The following SEMA3D variants were observed in gnomAD, a reference collection of about 807,000 sequenced individuals.
SEMA3D encodes the protein semaphorin 3D, also known as semaphorin-3D.
SEMA3D carries 84 observed loss-of-function variants against 100.1 expected under a neutral mutation model. The observed-to-expected ratio is 0.84, with a 90% CI of 0.70 to 1.01. SEMA3D has a LOEUF of 1.01. Ranked by LOEUF, SEMA3D falls within the 50% of genes least tolerant of loss-of-function variation. The pLI is 0.00. For synonymous variants in SEMA3D, 312 were observed against 320.7 expected (o/e 0.97, Z 0.29); for missense variants, 875 against 934.1 (o/e 0.94, Z 0.82).
At chr7:85,013,698 T>C (rs138956345) in intron 16 of SEMA3D, among the ~76,000 whole-genome samples, 9 of 151,924 alleles carry the variant, frequency 5.9e-5, no homozygotes, top group Non-Finnish European at 1.0e-4. Context: ...TCATCCATTA[T>C]ACACATCTTT....
intron 4 of SEMA3D, among the ~76,000 whole-genome samples, chr7:85,092,744 C>T (rs186610857): frequency 1.3e-3 from 190 of 151,990 alleles, no homozygotes; most frequent in African/African-American, 3.7e-3. Flanking sequence ...ATGTCACACC[C>T]CTAAAACAGT....
At chr7:85,153,141 A>C (rs1790477934) in intron 2 of SEMA3D, among the ~76,000 whole-genome samples, 1 of 152,124 alleles carries the variant, frequency 6.6e-6, no homozygotes, top group Non-Finnish European at 1.5e-5. Context: ...ATACAAAAAG[A>C]CTGCCTTTGG....
chr7:85,012,076 C>T lies in SEMA3D; in HGVS notation c.1768+706G>A, dbSNP rs562372119. 2.0e-4 allele frequency among the ~76,000 whole-genome samples: 30 copies of T among 151,762 alleles called. 1 individual carries two copies. In the South Asian group the frequency reaches 6.2e-3, roughly 31 times the overall value. On this transcript the variant is annotated intron_variant, in intron 17 of 18. Transcript: ENST00000284136. ...GATTTGTTTTCTCTGTTCTCAGACT[C>T]ACTCACCAGGCCTCCTCTCTTTTCC...
intron 3 of SEMA3D, among the ~76,000 whole-genome samples, chr7:85,098,825 C>A (rs1788652692): frequency 6.6e-6 from 1 of 151,834 alleles, no homozygotes; most frequent in Non-Finnish European, 1.5e-5. Flanking sequence ...TGTGCTCCAC[C>A]TATTCATCCT....
At position 85,040,628 on chromosome 7, in the gene SEMA3D, C is replaced by G. The variant is rs746351566; in HGVS notation, c.1046+45G>C. The G allele has an allele frequency of 8.2e-5, 77 of 935,716 alleles. No individual in the cohort carries two copies. In the South Asian group the frequency reaches 1.1e-3, roughly 13 times the overall value. The allele number at this position is 935,716 out of a possible 1,614,324, so 58.0% of individuals were successfully genotyped here. A position where few individuals can be genotyped will look rare whatever the true frequency, so the allele number is the denominator to read the frequency against. ...TCCTATAACTATATTGGCTTGCATA[C>G]ATATACAATTCTCTGAAGCATTAAA... On this transcript the variant is annotated intron_variant, in intron 11 of 18. Transcript: ENST00000284136.
At chr7:85,023,178 A>G (rs10249900) in intron 12 of SEMA3D, among the ~76,000 whole-genome samples, 7,891 of 151,966 alleles carry the variant, frequency 0.052, 689 homozygotes, top group African/African-American at 0.18. Context: ...AAGAGTCTGC[A>G]AAGAAACTGT....
chr7:85,235,975 G>A, the SEMA3D span, among the ~76,000 whole-genome samples: 20 of 152,214 alleles, frequency 1.3e-4, no homozygotes, highest in South Asian at 4.1e-3. Context: ...TAGTATATGA[G>A]TTACTTCTGT....
chr7:85,202,545 T>G, the SEMA3D span, among the ~76,000 whole-genome samples: 204 of 151,958 alleles, frequency 1.3e-3, 6 homozygotes, highest in East Asian at 0.031. Flanking sequence ...ACCATCAGAG[T>G]GAACAGGCAA....
At chr7:85,016,960 G>C (rs1363519443) in intron 15 of SEMA3D, among the ~76,000 whole-genome samples, 2 of 151,338 alleles carry the variant, frequency 1.3e-5, no homozygotes, top group Non-Finnish European at 3.0e-5. Flanking sequence ...AAACTTCTTA[G>C]GAGGATATAT....
At chr7:85,047,694 G>A (rs1479437341) in intron 9 of SEMA3D, among the ~76,000 whole-genome samples, 1 of 151,806 alleles carries the variant, frequency 6.6e-6, no homozygotes. Context: ...ACTAATTTGT[G>A]TGCAGAGATT....
At chr7:85,019,746 T>C (rs561831284) in intron 14 of SEMA3D, among the ~76,000 whole-genome samples, 2 of 151,856 alleles carry the variant, frequency 1.3e-5, no homozygotes, top group African/African-American at 4.8e-5. Context: ...CTAGATCTAC[T>C]AACTCTTTTT....
At chr7:85,245,121 C>T in the SEMA3D span, among the ~76,000 whole-genome samples, 1 of 152,066 alleles carries the variant, frequency 6.6e-6, no homozygotes, top group East Asian at 1.9e-4. Flanking sequence ...ATGTATGGCA[C>T]ATTAAGATCC....
At chr7:85,175,236 C>G (rs1482457103) in intron 1 of SEMA3D, among the ~76,000 whole-genome samples, 10 of 152,050 alleles carry the variant, frequency 6.6e-5, no homozygotes, top group Admixed American at 6.6e-4. Flanking sequence ...AATAAAAGTA[C>G]TAGTTCCTGA....
At chr7:85,049,778 T>A (rs1184666967) in intron 9 of SEMA3D, among the ~76,000 whole-genome samples, 1 of 151,430 alleles carries the variant, frequency 6.6e-6, no homozygotes, top group Non-Finnish European at 1.5e-5. Context: ...ACAATGCAAG[T>A]GGAATTGAAG....
At chr7:85,030,519 G>A (rs947574662) in intron 12 of SEMA3D, among the ~76,000 whole-genome samples, 13 of 151,946 alleles carry the variant, frequency 8.6e-5, no homozygotes, top group Non-Finnish European at 1.8e-4. Flanking sequence ...CAGACATTTA[G>A]TAGTTATTTA....
intron 2 of SEMA3D, among the ~76,000 whole-genome samples, chr7:85,122,916 C>T (rs148785433): frequency 1.6e-3 from 251 of 152,214 alleles, no homozygotes; most frequent in African/African-American, 5.7e-3. Context: ...AATCAAAACA[C>T]GTATTCCAAA....
chr7:85,241,244 G>A, the SEMA3D span, among the ~76,000 whole-genome samples: 1 of 151,736 alleles, frequency 6.6e-6, no homozygotes. Context: ...CAACCACTAT[G>A]GAAAACAGTA....
At chr7:85,030,583 C>G (rs1790520456) in intron 12 of SEMA3D, among the ~76,000 whole-genome samples, 1 of 152,000 alleles carries the variant, frequency 6.6e-6, no homozygotes, top group Non-Finnish European at 1.5e-5. Flanking sequence ...TATATTTGAA[C>G]TTCAAAAACA....
At chr7:85,136,581 G>C (rs998617588) in intron 2 of SEMA3D, among the ~76,000 whole-genome samples, 5 of 151,852 alleles carry the variant, frequency 3.3e-5, no homozygotes, top group African/African-American at 1.2e-4. Context: ...TAAAACAATT[G>C]AATTATACAA....
Sources: allele counts gnomAD v4.1 joint callset (sites outside exome capture counted in the v4.1 genomes callset), GRCh38; gene constraint gnomAD v4.1.1; transcripts MANE v1.5; gene names NCBI Gene and HGNC (gene_info 2026-07-23, HGNC 2026-07-21).